Variants in MSRA observed in about 807,000 individuals in gnomAD.
MSRA encodes the protein mitochondrial peptide methionine sulfoxide reductase.
A neutral mutation model predicts 31.3 loss-of-function variants in MSRA; 54 were observed. The ratio of observed to expected loss-of-function variants is 1.73; its 90% CI spans 1.39 to 2.17. The LOEUF is 2.17. MSRA is among the 30% of genes most tolerant of loss of function. The probability of loss-of-function intolerance (pLI) is 0.00; values close to 1 mark genes in which losing one functional copy is unlikely to be tolerated. For missense variants in MSRA, 507 were observed against 300.9 expected (o/e 1.69, Z -5.07); for synonymous variants, 169 against 116.5 (o/e 1.45, Z -2.90).
chr8:10,240,275 TGCTG>T (rs1281567917), intron 2 of MSRA, among the ~76,000 whole-genome samples: 1 of 152,174 alleles, frequency 6.6e-6, no homozygotes, highest in Admixed American at 6.5e-5. Context: ...CAGTCTCTGT[TGCTG>T]GCCATTTGGA....
intron 1 of MSRA, among the ~76,000 whole-genome samples, chr8:10,055,832 A>T (rs1307549870): frequency 1.3e-5 from 2 of 152,146 alleles, no homozygotes; most frequent in Non-Finnish European, 2.9e-5. Context: ...GGTTTTTTGG[A>T]TTAGAGGCAG....
chr8:10,274,360 A>G (rs1275282634), intron 3 of MSRA, among the ~76,000 whole-genome samples: 1 of 152,204 alleles, frequency 6.6e-6, no homozygotes, highest in African/African-American at 2.4e-5. Context: ...GACCAAGACC[A>G]GGGACAGTTA....
At chr8:10,305,663 C>T (rs969125121) in intron 4 of MSRA, among the ~76,000 whole-genome samples, 6 of 152,178 alleles carry the variant, frequency 3.9e-5, no homozygotes, top group East Asian at 1.9e-4. Flanking sequence ...TCGCCCACCT[C>T]GGCCTCCCCA....
chr8:10,293,652 A>C lies in MSRA; in HGVS notation c.332-7882A>C, dbSNP rs185303229. Among the ~76,000 whole-genome samples, 39 of 152,172 alleles carry C rather than the reference A, an allele frequency of 2.6e-4. No homozygotes were observed. The South Asian group carries it at 6.4e-3, about 25-fold the overall frequency. On this transcript the variant is annotated intron_variant, in intron 3 of 5. Coordinates refer to ENST00000317173, the MANE Select transcript of MSRA (RefSeq NM_012331.5). ...GGTCCGACGTGTCTCTGGTTCCCCA[A>C]CCTCTTCCTCAGCTGTACTGCAGGT...
At chr8:10,117,830 C>A (rs1800795976) in intron 1 of MSRA, among the ~76,000 whole-genome samples, 1 of 152,200 alleles carries the variant, frequency 6.6e-6, no homozygotes, top group African/African-American at 2.4e-5. Context: ...AATTTACTCT[C>A]ATTTTCAGTC....
intron 5 of MSRA, among the ~76,000 whole-genome samples, chr8:10,367,383 C>G (rs1392338553): frequency 6.6e-6 from 1 of 152,150 alleles, no homozygotes; most frequent in African/African-American, 2.4e-5. Context: ...AAAACTTTAA[C>G]AGGTAGGTAT....
At chr8:10,158,313 A>T (rs1248540713) in intron 1 of MSRA, among the ~76,000 whole-genome samples, 1 of 152,370 alleles carries the variant, frequency 6.6e-6, no homozygotes, top group Admixed American at 6.5e-5. Context: ...CACCACAGTC[A>T]ATTTTAAAAC....
chr8:10,060,371 TAC>T (rs1482689332), intron 1 of MSRA, among the ~76,000 whole-genome samples: 4 of 152,200 alleles, frequency 2.6e-5, no homozygotes, highest in African/African-American at 9.7e-5. Context: ...AGTGTATATA[TAC>T]AGTATGCTAA....
At chr8:10,229,763 C>T (rs554497308) in intron 2 of MSRA, among the ~76,000 whole-genome samples, 1 of 152,294 alleles carries the variant, frequency 6.6e-6, no homozygotes, top group African/African-American at 2.4e-5. Flanking sequence ...GTAAGTGTTT[C>T]AGCACGTAAG....
intron 2 of MSRA, among the ~76,000 whole-genome samples, chr8:10,217,608 TCA>T (rs1015849393): frequency 4.6e-5 from 7 of 152,212 alleles, no homozygotes; most frequent in Non-Finnish European, 1.0e-4. Context: ...TCCACAGGTC[TCA>T]GTTATGGCTA....
At chr8:10,178,818 G>T (rs1256480041) in intron 1 of MSRA, among the ~76,000 whole-genome samples, 1 of 152,118 alleles carries the variant, frequency 6.6e-6, no homozygotes, top group Admixed American at 6.6e-5. Flanking sequence ...AAAGAGGCAG[G>T]GAAATAAAAT....
At position 10,241,939 on chromosome 8, in the gene MSRA, G is replaced by C. The variant is rs150326369; in HGVS notation, c.212-3165G>C. On this transcript the variant is annotated intron_variant, in intron 2 of 5. Coordinates refer to ENST00000317173, the MANE Select transcript of MSRA (RefSeq NM_012331.5). ...GTAGACTGTGATCTTCAAGGGATAAGGTCAAAGGAAAAGAATGGAGACAAT... is the reference window on the plus strand; with the variant it reads ...GTAGACTGTGATCTTCAAGGGATAACGTCAAAGGAAAAGAATGGAGACAAT... 3.3e-5 allele frequency among the ~76,000 whole-genome samples: 5 copies of C among 152,296 alleles called. No homozygotes were observed. In the East Asian group the frequency reaches 9.7e-4, roughly 30 times the overall value.
chr8:10,055,003 C>T (rs914799896), intron 1 of MSRA, among the ~76,000 whole-genome samples: 1 of 152,236 alleles, frequency 6.6e-6, no homozygotes, highest in Non-Finnish European at 1.5e-5. Context: ...CGCGGGCGCC[C>T]GCGGCGCTGT....
chr8:10,146,792 C>A (rs1054806208), intron 1 of MSRA, among the ~76,000 whole-genome samples: 1 of 152,090 alleles, frequency 6.6e-6, no homozygotes, highest in African/African-American at 2.4e-5. Flanking sequence ...GAGCCCTGGG[C>A]TGGAGCAGAC....
chr8:10,360,222 A>G (rs1303157903), intron 5 of MSRA, among the ~76,000 whole-genome samples: 1 of 152,068 alleles, frequency 6.6e-6, no homozygotes, highest in African/African-American at 2.4e-5. Flanking sequence ...TCTTCCAGGG[A>G]ATGCTTGTTG....
At chr8:10,307,209 C>T (rs1801187645) in intron 4 of MSRA, among the ~76,000 whole-genome samples, 1 of 151,272 alleles carries the variant, frequency 6.6e-6, no homozygotes, top group African/African-American at 2.4e-5. Flanking sequence ...TGCTCTGTCA[C>T]CTAGGCTGGA....
intron 1 of MSRA, among the ~76,000 whole-genome samples, chr8:10,074,249 A>AT (rs1316882363): frequency 1.3e-5 from 2 of 150,722 alleles, no homozygotes; most frequent in African/African-American, 4.9e-5. Context: ...TGCCCAGCTA[A>AT]TTTTTTGTAT....
chr8:10,067,890 T>G (rs1025945454), intron 1 of MSRA, among the ~76,000 whole-genome samples: 1 of 133,474 alleles, frequency 7.5e-6, no homozygotes, highest in African/African-American at 3.2e-5. Flanking sequence ...TTTTTTTTTT[T>G]TTTTTTTTTT....
At chr8:10,096,457 T>A in intron 1 of MSRA, 1 of 244,894 alleles carries the variant, frequency 4.1e-6, no homozygotes, top group Non-Finnish European at 6.6e-6. Flanking sequence ...AGGTGATTTT[T>A]ATGATGTTGG....
Sources: allele counts gnomAD v4.1 joint callset (sites outside exome capture counted in the v4.1 genomes callset), GRCh38; gene constraint gnomAD v4.1.1; transcripts MANE v1.5; gene names NCBI Gene and HGNC (gene_info 2026-07-23, HGNC 2026-07-21).